The following KSR1 variants were observed in gnomAD, a reference collection of about 807,000 sequenced individuals.
KSR1 encodes the protein kinase suppressor of ras.
In KSR1, 35 loss-of-function variants were observed where a neutral mutation model predicts 92.9. The observed-to-expected ratio is 0.38, with a 90% CI of 0.29 to 0.50. The LOEUF (loss-of-function observed/expected upper bound fraction) is 0.50, where lower values mean the gene tolerates loss of function less well. Among genes scored for constraint, KSR1 ranks in the 20% least tolerant of loss-of-function variants. The probability of loss-of-function intolerance (pLI) is 0.94; values close to 1 mark genes in which losing one functional copy is unlikely to be tolerated. For missense variants in KSR1, 972 were observed against 1,158.5 expected (o/e 0.84, Z 2.34); for synonymous variants, 467 against 472.6 (o/e 0.99, Z 0.15).
At chr17:27,497,223 G>T (rs1286629807) in intron 1 of KSR1, among the ~76,000 whole-genome samples, 1 of 152,212 alleles carries the variant, frequency 6.6e-6, no homozygotes, top group African/African-American at 2.4e-5. Context: ...CTTCCAGATG[G>T]TGAGTGAAGG....
intron 1 of KSR1, among the ~76,000 whole-genome samples, chr17:27,463,341 T>C (rs1191362127): frequency 5.9e-5 from 9 of 152,074 alleles, no homozygotes; most frequent in Admixed American, 5.2e-4. Context: ...AAACCCCGTC[T>C]CTACAAGAAA....
chr17:27,590,840 T>C lies in KSR1; in HGVS notation c.1076T>C (p.Val359Ala). 6.2e-7 allele frequency: 1 copy of C among 1,611,928 alleles called. No individual in the cohort carries two copies. Among genetic ancestry groups the C allele is most frequent in the Non-Finnish European group, 8.5e-7 (1 of 1,179,208 alleles). ...RFSTKSWLSQVCHVCQKSMIF... is the reference protein window; with the variant it reads ...RFSTKSWLSQACHVCQKSMIF... ...TCCACCAAGTCCTGGCTGTCGCAGG[T>C]CTGCCACGTGTGCCAGAAGAGCATG... Residue 359 changes from valine to alanine, a missense_variant, in exon 7 of 21, where the codon GTC (valine) becomes GCC (alanine). By Grantham distance (64) the Val-to-Ala change is moderately conservative (BLOSUM62 0). This residue lies in a region of KSR1 where 611 missense variants were observed against 668.0 expected (regional missense o/e 0.91). Transcript: ENST00000644974.
At position 27,605,792 on chromosome 17, in the gene KSR1, C is replaced by A; in HGVS notation, c.1973C>A (p.Pro658His). The part of the protein sequence containing the change: ...VLFMGACMNP[P>H]HLAIITSFCK... ...TTCATGGGGGCCTGCATGAACCCGC[C>A]CCACCTGGCCATTATCACCAGGTAA... is the stretch of plus-strand genomic sequence containing the variant. The change falls in exon 14 of 21, where the codon CCC (proline) becomes CAC (histidine). Residue 658 changes from proline to histidine, a missense_variant. Coordinates refer to ENST00000644974, the MANE Select transcript of KSR1 (RefSeq NM_001394583.1). The A allele has an allele frequency of 6.2e-7, 1 of 1,612,614 alleles. No individual in the cohort carries two copies. Among genetic ancestry groups the A allele is most frequent in the Non-Finnish European group, 8.5e-7 (1 of 1,179,788 alleles).
intron 1 of KSR1, among the ~76,000 whole-genome samples, chr17:27,492,117 G>A (rs972800739): frequency 4.6e-5 from 7 of 152,182 alleles, no homozygotes; most frequent in Non-Finnish European, 8.8e-5. Flanking sequence ...TTGCACGTTG[G>A]GAGGTGGGAG....
chr17:27,532,623 G>T (rs929383533), intron 1 of KSR1, among the ~76,000 whole-genome samples: 1 of 152,258 alleles, frequency 6.6e-6, no homozygotes, highest in Non-Finnish European at 1.5e-5. Flanking sequence ...TTGTCAGCGG[G>T]TGGGACGGGG....
At chr17:27,482,877 T>G (rs999773659) in intron 1 of KSR1, among the ~76,000 whole-genome samples, 1 of 151,640 alleles carries the variant, frequency 6.6e-6, no homozygotes, top group Non-Finnish European at 1.5e-5. Flanking sequence ...CTTAACTTAT[T>G]TTCCTTTTTT....
intron 1 of KSR1, among the ~76,000 whole-genome samples, chr17:27,462,370 A>G (rs2019487299): frequency 6.6e-6 from 1 of 152,096 alleles, no homozygotes; most frequent in South Asian, 2.1e-4. Context: ...GACCAAGGAA[A>G]TGGCCAATAA....
chr17:27,533,671 C>T (rs1279221218), intron 1 of KSR1, among the ~76,000 whole-genome samples: 2 of 152,108 alleles, frequency 1.3e-5, no homozygotes, highest in Non-Finnish European at 1.5e-5. Context: ...TGTGAGCCCC[C>T]GCACCCAGCC....
chr17:27,544,688 C>G (rs2071095825), intron 1 of KSR1, among the ~76,000 whole-genome samples: 1 of 152,228 alleles, frequency 6.6e-6, no homozygotes, highest in South Asian at 2.1e-4. Flanking sequence ...TGCTGCTGGT[C>G]CCATCCCTGA....
intron 1 of KSR1, among the ~76,000 whole-genome samples, chr17:27,471,384 G>T (rs2019993281): frequency 6.6e-6 from 1 of 152,178 alleles, no homozygotes; most frequent in Non-Finnish European, 1.5e-5. Flanking sequence ...TTTAGATGGG[G>T]TGATCGGGAA....
chr17:27,469,551 G>A (rs897303930), intron 1 of KSR1, among the ~76,000 whole-genome samples: 10 of 152,242 alleles, frequency 6.6e-5, no homozygotes, highest in African/African-American at 2.4e-4. Flanking sequence ...GTGACCTTGG[G>A]CAAGTTCTTT....
At position 27,559,649 on chromosome 17, in the gene KSR1, A is replaced by C. The variant is rs1052234375; in HGVS notation, c.372+8941A>C. Among the ~76,000 whole-genome samples the C allele has an allele frequency of 1.6e-4, 24 of 152,226 alleles. No individual in the cohort carries two copies. Among genetic ancestry groups the C allele is most frequent in the African/African-American group, 5.8e-4 (24 of 41,466 alleles). The stretch of plus-strand genomic sequence containing the variant: ...AGCACACAGACTGGGGTGAAACAGG[A>C]AGTGAGAGCCCCAGATGCCCTGATG... On this transcript the variant is annotated intron_variant, in intron 2 of 20. Coordinates refer to ENST00000644974, the MANE Select transcript of KSR1 (RefSeq NM_001394583.1). This position sits in a 1 kb window ranked among gnomAD's most constrained non-coding sequence, Gnocchi z 4.2.
intron 3 of KSR1, among the ~76,000 whole-genome samples, chr17:27,581,661 C>T (rs1475147761): frequency 6.6e-6 from 1 of 152,186 alleles, no homozygotes; most frequent in Non-Finnish European, 1.5e-5. Context: ...TTAAGGTCTG[C>T]TCTTCTGCAG....
At chr17:27,609,961 G>A in intron 16 of KSR1, 106 bp from the exon 17 acceptor site, 1 of 1,435,400 alleles carries the variant, frequency 7.0e-7, no homozygotes, top group East Asian at 2.3e-5. Context: ...TGTTTTCTAA[G>A]CTGTGTGTGG....
intron 3 of KSR1, among the ~76,000 whole-genome samples, chr17:27,581,467 T>C (rs1388920970): frequency 2.0e-5 from 3 of 152,142 alleles, no homozygotes; most frequent in African/African-American, 7.2e-5. Flanking sequence ...GAACTCTTCG[T>C]AGTGACCAGA....
chr17:27,620,106 C>G (rs1885168466), intron 19 of KSR1, among the ~76,000 whole-genome samples: 2 of 152,340 alleles, frequency 1.3e-5, no homozygotes, highest in Admixed American at 6.5e-5. Flanking sequence ...ATGCTTGGTT[C>G]TTCACTGATT....
intron 1 of KSR1, among the ~76,000 whole-genome samples, chr17:27,513,345 C>G (rs1317065796): frequency 6.6e-6 from 1 of 152,024 alleles, no homozygotes; most frequent in Non-Finnish European, 1.5e-5. Flanking sequence ...AATTCTGACA[C>G]TTTGGGAGTC....
In KSR1 at chr17:27,621,194, C is replaced by G; in HGVS notation, c.2629C>G (p.Arg877Gly). The G allele has an allele frequency of 5.0e-6, 2 of 398,672 alleles. No individual in the cohort carries two copies. Among genetic ancestry groups the G allele is most frequent in the Non-Finnish European group, 8.8e-6 (2 of 226,114 alleles). The allele number at this position is 398,672 out of a possible 1,614,324, so 24.7% of individuals were successfully genotyped here. Residue 877 changes from arginine (R) to glycine (G), a missense_variant and splice_region_variant, in exon 20 of 21, where the codon CGC (arginine) becomes GGC (glycine). Around this residue, in one of 5 missense-constraint regions of KSR1, gnomAD observed 46 missense variants for 39.0 expected, o/e 1.18. Coordinates refer to ENST00000644974, the MANE Select transcript of KSR1 (RefSeq NM_001394583.1). ...GGAATGGTCGCTGGGCACTCCCAGT[C>G]GCTGGAGGAGCCGCTACTATGGAAA... ...HPGHFWKSAD[R>G]WRSRYYGKGR...
At chr17:27,530,009 T>C in intron 1 of KSR1, among the ~76,000 whole-genome samples, 1 of 152,188 alleles carries the variant, frequency 6.6e-6, no homozygotes, top group East Asian at 1.9e-4. Flanking sequence ...TACTCGATAC[T>C]CTTGAATGGA....
Sources: gnomAD v4.1 joint callset for allele counts (sites outside exome capture counted in the v4.1 genomes callset) on GRCh38, gnomAD v4.1.1 for gene constraint, gnomAD v4.1.1 regional missense constraint, Gnocchi (gnomAD v3.1) non-coding constraint, MANE v1.5 for transcripts, NCBI Gene and HGNC (gene_info 2026-07-23, HGNC 2026-07-21) for gene names.